NUP205: variants seen among roughly 807,000 people sequenced by gnomAD.
The protein encoded by NUP205 is nucleoporin 205.
In NUP205, 76 loss-of-function variants were observed where a neutral mutation model predicts 253.8. That is an observed-to-expected ratio of 0.30 (90% confidence interval 0.25 to 0.36). NUP205 has a LOEUF of 0.36. Ranked by LOEUF, NUP205 falls within the 10% of genes least tolerant of loss-of-function variation. NUP205 has a pLI of 1.00. For synonymous variants in NUP205, 832 were observed against 850.1 expected, an observed-to-expected ratio of 0.98 and a Z score of 0.37; for missense variants, 2,162 against 2,425.5, an observed-to-expected ratio of 0.89 and a Z score of 2.28.
In NUP205 at chr7:135,616,733, C is replaced by A. The variant is rs1794367861; in HGVS notation, c.3532+7C>A. 5 of 1,489,070 alleles carry A rather than the reference C, an allele frequency of 3.4e-6. No homozygotes were observed. The highest frequency in any genetic ancestry group is 4.5e-6 in the Non-Finnish European group (5 of 1,115,264). 92.2% of individuals were successfully genotyped at this position (1,489,070 alleles called of 1,614,324 possible). A position where few individuals can be genotyped will look rare whatever the true frequency, so the allele number is the denominator to read the frequency against. On this transcript the variant is annotated splice_region_variant and intron_variant, in intron 25 of 42. Coordinates refer to ENST00000285968, the MANE Select transcript of NUP205 (RefSeq NM_015135.3). Reference sequence around the variant, plus strand: ...TTTGACACTGCTACAAAAGGTAATGCCCTTTGAATTTGTAATAAATTTATT... The same window carrying A: ...TTTGACACTGCTACAAAAGGTAATGACCTTTGAATTTGTAATAAATTTATT...
At chr7:135,638,760 G>A in intron 38 of NUP205, 77 bp downstream of exon 38, 2 of 1,425,418 alleles carry the variant, frequency 1.4e-6, no homozygotes, top group East Asian at 2.3e-5. Context: ...CTTGGCTCCA[G>A]TAAGATGCAG....
chr7:135,637,402 G>T (rs141073557), intron 36 of NUP205, among the ~76,000 whole-genome samples: 1 of 152,330 alleles, frequency 6.6e-6, no homozygotes, highest in African/African-American at 2.4e-5. Context: ...GTATTCTCAG[G>T]TGAGAAGTAT....
In NUP205 at chr7:135,576,409, A is replaced by G. The variant is rs561529413; in HGVS notation, c.483A>G (p.Glu161=). The G allele has an allele frequency of 6.2e-7, 1 of 1,605,458 alleles. No individual in the cohort carries two copies. The highest frequency in any genetic ancestry group is 1.1e-5 in the South Asian group (1 of 88,428). Residue 161 remains glutamate, a synonymous_variant, in exon 4 of 43, where the codon GAA becomes GAG. Transcript: ENST00000285968. ...QSRRGKTWTL[E]LSPELASMTT... Reference sequence around the variant, plus strand: ...GACGGGGAAAGACATGGACCCTAGAACTCAGGTCTTTTTACTTCTTGGGAT... The same window carrying G: ...GACGGGGAAAGACATGGACCCTAGAGCTCAGGTCTTTTTACTTCTTGGGAT...
chr7:135,626,482 T>G, intron 33 of NUP205, 121 bp downstream of exon 33: 1 of 1,062,920 alleles, frequency 9.4e-7, no homozygotes, highest in Non-Finnish European at 1.3e-6. Flanking sequence ...TGGGTTTTTT[T>G]GGTCATACTG....
chr7:135,629,605 C>T (rs1180622000), intron 34 of NUP205, among the ~76,000 whole-genome samples: 1 of 151,548 alleles, frequency 6.6e-6, no homozygotes, highest in Non-Finnish European at 1.5e-5. Context: ...CAGCTCACTG[C>T]AACCTCCACC....
At chr7:135,630,317 T>C in intron 34 of NUP205, 27 bp from the exon 35 acceptor site, 1 of 1,518,412 alleles carries the variant, frequency 6.6e-7, no homozygotes, top group Non-Finnish European at 8.8e-7. Flanking sequence ...CTGTTTTTTC[T>C]ATTCCTCTTC....
At chr7:135,597,172 A>G (rs1793858762) in intron 13 of NUP205, 196 bp from the exon 14 acceptor site, 3 of 491,814 alleles carry the variant, frequency 6.1e-6, no homozygotes, top group Admixed American at 6.8e-5. Context: ...AGAACCCCAG[A>G]CAGTCAAAAG....
Position 135,587,877 on chromosome 7 carries a change from A to T in NUP205, c.1358A>T (p.Asn453Ile). Residue 453 changes from asparagine (N) to isoleucine (I), a missense_variant, in exon 10 of 43, where the codon AAC (asparagine) becomes ATC (isoleucine). Physicochemically the swap from Asn to Ile is moderately radical, Grantham distance 149 (BLOSUM62 -3). Transcript: ENST00000285968. ...MLLIGELYKK[N>I]PFHLELALEY... ...CAGATTGGCGAGCTATATAAAAAGA[A>T]CCCTTTTCATCTGGAGCTTGCTCTA... 1 of 1,613,394 alleles carries T rather than the reference A, an allele frequency of 6.2e-7. No individual in the cohort carries two copies. The highest frequency in any genetic ancestry group is 8.5e-7 in the Non-Finnish European group (1 of 1,179,650).
At chr7:135,563,300 G>A (rs143042331) in intron 1 of NUP205, among the ~76,000 whole-genome samples, 8,186 of 152,202 alleles carry the variant, frequency 0.054, 278 homozygotes, top group Middle Eastern at 0.14. Flanking sequence ...CGATTCTCCT[G>A]CCTCAGCCTC....
chr7:135,570,719 A>G (rs1268871438), intron 1 of NUP205, among the ~76,000 whole-genome samples: 10 of 102,188 alleles, frequency 9.8e-5, no homozygotes, highest in Non-Finnish European at 1.6e-4. Context: ...AATATAATTA[A>G]TTATATTTAT....
chr7:135,599,905 T>C (rs1223775763), intron 15 of NUP205, among the ~76,000 whole-genome samples: 1 of 152,246 alleles, frequency 6.6e-6, no homozygotes, highest in Non-Finnish European at 1.5e-5. Context: ...GCAATTGGTA[T>C]GTTTACCAGT....
intron 39 of NUP205, among the ~76,000 whole-genome samples, chr7:135,643,986 A>G (rs1308321042): frequency 6.6e-6 from 1 of 152,208 alleles, no homozygotes; most frequent in Non-Finnish European, 1.5e-5. Flanking sequence ...GTTTGCACCA[A>G]GTTTTCTAAA....
Position 135,593,136 on chromosome 7 carries a change from A to C in NUP205, c.1774A>C (p.Lys592Gln), listed in dbSNP as rs1806675763. Reference protein sequence around the residue: ...RHLPSRGITQKEQDGLIAFLQ... With the variant: ...RHLPSRGITQQEQDGLIAFLQ... ...CCTTCCTTCCCGTGGCATCACCCAG[A>C]AGGAGCAAGATGGATTGATTGCTTT... is the stretch of plus-strand genomic sequence containing the variant. Residue 592 changes from lysine to glutamine, a missense_variant, in exon 12 of 43, where the codon AAG becomes CAG. By Grantham distance (53) the Lys-to-Gln change is moderately conservative (BLOSUM62 1). This residue lies in a region of NUP205 where 892 missense variants were observed against 957.1 expected (regional missense o/e 0.93). Coordinates refer to ENST00000285968, the MANE Select transcript of NUP205 (RefSeq NM_015135.3). The C allele has an allele frequency of 6.2e-7, 1 of 1,614,040 alleles. No individual in the cohort carries two copies. The highest frequency in any genetic ancestry group is 1.1e-5 in the South Asian group (1 of 91,086).
At chr7:135,630,892 A>G (rs1005340975) in intron 35 of NUP205, among the ~76,000 whole-genome samples, 16 of 152,022 alleles carry the variant, frequency 1.1e-4, no homozygotes, top group African/African-American at 3.9e-4. Context: ...TGCCACTGCA[A>G]TCCAGTCTGG....
chr7:135,584,779 A>G (rs906993959), intron 7 of NUP205, 53 bp from the exon 8 acceptor site: 16 of 1,477,900 alleles, frequency 1.1e-5, no homozygotes, highest in Middle Eastern at 1.7e-4. Context: ...TATAATTACA[A>G]TCTGGGTTAA....
chr7:135,588,376 A>G (rs1249046716), intron 10 of NUP205, among the ~76,000 whole-genome samples: 2 of 150,292 alleles, frequency 1.3e-5, no homozygotes, highest in African/African-American at 4.9e-5. Flanking sequence ...CCTGAGCTCA[A>G]GTGTCCATCT....
At chr7:135,571,032 TG>T in intron 1 of NUP205, 72 bp from the exon 2 acceptor site, 1 of 1,190,130 alleles carries the variant, frequency 8.4e-7, no homozygotes, top group Non-Finnish European at 1.2e-6. Context: ...CTAAAATGTG[TG>T]GATGGTAACC....
At chr7:135,608,772 T>C (rs943214924) in intron 22 of NUP205, among the ~76,000 whole-genome samples, 8 of 152,028 alleles carry the variant, frequency 5.3e-5, no homozygotes, top group Non-Finnish European at 1.2e-4. Flanking sequence ...TTGTTCACTT[T>C]TGTTTATTGT....
At chr7:135,642,226 G>A (rs1435281885) in intron 38 of NUP205, among the ~76,000 whole-genome samples, 1 of 151,526 alleles carries the variant, frequency 6.6e-6, no homozygotes, top group Non-Finnish European at 1.5e-5. Context: ...CTGTACTCCA[G>A]GCTGGATGAC....
Sources: allele counts gnomAD v4.1 joint callset (sites outside exome capture counted in the v4.1 genomes callset), GRCh38; gene constraint gnomAD v4.1.1; regional missense constraint gnomAD v4.1.1; transcripts MANE v1.5; gene names NCBI Gene and HGNC (gene_info 2026-07-23, HGNC 2026-07-21).